PDE4D: variants seen among roughly 807,000 people sequenced by gnomAD.
PDE4D encodes 3',5'-cyclic-AMP phosphodiesterase 4D.
In PDE4D, 24 loss-of-function variants were observed where a neutral mutation model predicts 87.4. The ratio of observed to expected loss-of-function variants is 0.27; its 90% CI spans 0.20 to 0.39. PDE4D has a LOEUF of 0.39. PDE4D is among the 10% of genes least tolerant of loss of function. The probability of loss-of-function intolerance (pLI) is 1.00; values close to 1 mark genes in which losing one functional copy is unlikely to be tolerated. For synonymous variants in PDE4D, 384 were observed against 383.2 expected, an observed-to-expected ratio of 1.00 and a Z score of -0.02; for missense variants, 714 against 1,041.0, an observed-to-expected ratio of 0.69 and a Z score of 4.32.
chr5:60,133,363 C>G (rs1779753925), intron 2 of PDE4D, among the ~76,000 whole-genome samples: 1 of 152,034 alleles, frequency 6.6e-6, no homozygotes, highest in South Asian at 2.1e-4. Context: ...GGGTCTCGTT[C>G]TGTTGTCCAG....
intron 1 of PDE4D, among the ~76,000 whole-genome samples, chr5:59,861,738 T>G (rs1471542463): frequency 2.0e-5 from 3 of 152,230 alleles, no homozygotes; most frequent in Admixed American, 6.5e-5. Context: ...ACATTTGCAT[T>G]GCAGTTCCTT....
intron 3 of PDE4D, among the ~76,000 whole-genome samples, chr5:59,899,885 A>C (rs1752052099): frequency 6.6e-6 from 1 of 152,068 alleles, no homozygotes; most frequent in Admixed American, 6.5e-5. Flanking sequence ...CATGGTAAGG[A>C]CTTTGGATTT....
chr5:59,023,434 C>A lies in PDE4D; in HGVS notation c.921+15425G>T, dbSNP rs552297499. On this transcript the variant is annotated intron_variant, in intron 6 of 14. Transcript: ENST00000340635. ...TCACTTGAGCCCAGGAGTTTGAGAC[C>A]AGCCTGGGTAACATAGTGAGACCCT... is the stretch of plus-strand genomic sequence containing the variant. Among the ~76,000 whole-genome samples the A allele has an allele frequency of 1.7e-3, 249 of 147,798 alleles. 1 individual carries two copies. Among genetic ancestry groups the A allele is most frequent in the African/African-American group, 5.7e-3 (228 of 39,932 alleles).
chr5:59,327,170 C>T (rs972349316), intron 1 of PDE4D, among the ~76,000 whole-genome samples: 6 of 133,864 alleles, frequency 4.5e-5, no homozygotes, highest in Admixed American at 7.7e-5. Flanking sequence ...CACACACACA[C>T]TCCAGACTGG....
chr5:60,517,676 T>A (rs1378578952), intron 1 of PDE4D, among the ~76,000 whole-genome samples: 1 of 151,968 alleles, frequency 6.6e-6, no homozygotes, highest in Admixed American at 6.5e-5. Flanking sequence ...GCTGCAGGCT[T>A]GACAGGACAA....
intron 2 of PDE4D, among the ~76,000 whole-genome samples, chr5:60,111,266 T>C (rs1777650740): frequency 6.6e-6 from 1 of 152,028 alleles, no homozygotes; most frequent in East Asian, 1.9e-4. Flanking sequence ...TATCATTCTG[T>C]ACCCCATAAA....
At chr5:59,878,887 GTTTTTTTTTTTTTTT>G (rs70975345) in intron 1 of PDE4D, among the ~76,000 whole-genome samples, 2 of 71,730 alleles carry the variant, frequency 2.8e-5, no homozygotes, top group African/African-American at 5.0e-5. Context: ...ACCGAAGTAA[GTTTTTTTTTTTTTTT>G]TTTTTTTTTT....
At chr5:59,529,192 G>T in intron 1 of PDE4D, 2 of 484,702 alleles carry the variant, frequency 4.1e-6, no homozygotes, top group Non-Finnish European at 8.3e-6. Context: ...AACTGACAGG[G>T]ATAGGAAAGA....
At chr5:58,999,486 T>TAC in intron 6 of PDE4D, 1 of 1,509,198 alleles carries the variant, frequency 6.6e-7, no homozygotes, top group Non-Finnish European at 9.0e-7. Flanking sequence ...AAGTAAGTCT[T>TAC]ACCTTTATGT....
At chr5:60,069,170 G>A (rs1772443135) in intron 2 of PDE4D, among the ~76,000 whole-genome samples, 1 of 152,154 alleles carries the variant, frequency 6.6e-6, no homozygotes, top group Non-Finnish European at 1.5e-5. Context: ...TAGACTGAAT[G>A]TTGGTGTCAC....
chr5:60,432,959 T>C (rs1286755085), intron 1 of PDE4D, among the ~76,000 whole-genome samples: 1 of 152,056 alleles, frequency 6.6e-6, no homozygotes, highest in African/African-American at 2.4e-5. Context: ...AAATGTAAAA[T>C]GTAAAATTAT....
chr5:60,145,737 A>C lies in PDE4D; in HGVS notation c.42+39820T>G, dbSNP rs564505570. On this transcript the variant is annotated intron_variant, in intron 2 of 16. Coordinates refer to the PDE4D transcript ENST00000502484. Reference sequence around the variant, plus strand: ...ATGGTCTTTACATTTTGCCAGTAGAAGTAATTGAGATCTGAATTTGAGATA... The same window carrying C: ...ATGGTCTTTACATTTTGCCAGTAGACGTAATTGAGATCTGAATTTGAGATA... Among the ~76,000 whole-genome samples the C allele has an allele frequency of 3.2e-4, 48 of 152,338 alleles. 1 individual carries two copies. The South Asian group carries it at 9.5e-3, about 30-fold the overall frequency.
intron 1 of PDE4D, among the ~76,000 whole-genome samples, chr5:59,661,098 T>TATATATATATA (rs1554055015): frequency 4.0e-5 from 4 of 101,132 alleles, no homozygotes; most frequent in African/African-American, 1.3e-4. Flanking sequence ...ATATATATAT[T>TATATATATATA]TTGTCATCTA....
intron 1 of PDE4D, among the ~76,000 whole-genome samples, chr5:60,232,161 T>G (rs1745889853): frequency 6.6e-6 from 1 of 151,962 alleles, no homozygotes; most frequent in Non-Finnish European, 1.5e-5. Flanking sequence ...AAATTTAAAT[T>G]GCTTCAATTA....
At chr5:60,030,754 G>A (rs1350569317) in intron 2 of PDE4D, 2 of 152,138 alleles carry the variant, frequency 1.3e-5, no homozygotes, top group African/African-American at 4.8e-5. Flanking sequence ...TAAATTAAAT[G>A]TTCAAAAATA....
intron 5 of PDE4D, among the ~76,000 whole-genome samples, chr5:59,048,852 T>G (rs753455514): frequency 1.5e-4 from 23 of 152,204 alleles, no homozygotes; most frequent in Non-Finnish European, 2.9e-4. Flanking sequence ...AGTCAAATTC[T>G]CATCTGTGTA....
At chr5:60,441,588 G>A (rs1745216689) in intron 1 of PDE4D, among the ~76,000 whole-genome samples, 1 of 152,036 alleles carries the variant, frequency 6.6e-6, no homozygotes, top group Admixed American at 6.6e-5. Flanking sequence ...TAGACAAATG[G>A]GATCTAATTA....
At chr5:59,623,636 G>C (rs1830577013) in intron 1 of PDE4D, among the ~76,000 whole-genome samples, 1 of 152,130 alleles carries the variant, frequency 6.6e-6, no homozygotes, top group Non-Finnish European at 1.5e-5. Context: ...CAGGTCCCCA[G>C]AGTTCCAATT....
At chr5:60,515,626 G>A (rs1433889623) in intron 1 of PDE4D, among the ~76,000 whole-genome samples, 1 of 118,536 alleles carries the variant, frequency 8.4e-6, no homozygotes, top group Non-Finnish European at 1.6e-5. Flanking sequence ...TTTTCTGTCA[G>A]GATGAGAAGA....
Sources: gnomAD v4.1 joint callset for allele counts (sites outside exome capture counted in the v4.1 genomes callset) on GRCh38, gnomAD v4.1.1 for gene constraint, MANE v1.5 for transcripts, NCBI Gene and HGNC (gene_info 2026-07-23, HGNC 2026-07-21) for gene names.